CTIF: variants seen among roughly 807,000 people sequenced by gnomAD.
The protein encoded by CTIF is CBP80/20-dependent translation initiation factor.
In CTIF, 21 loss-of-function variants were observed where a neutral mutation model predicts 66.0. The ratio of observed to expected loss-of-function variants is 0.32; its 90% CI spans 0.23 to 0.46. The LOEUF is 0.46. CTIF is among the 20% of genes least tolerant of loss of function. The pLI, the probability that CTIF is intolerant of heterozygous loss-of-function variation, is 1.00. For synonymous variants in CTIF, 345 were observed against 326.4 expected (o/e 1.06, Z -0.62); for missense variants, 739 against 812.7 (o/e 0.91, Z 1.10).
At chr18:48,571,361 T>G (rs1040094755) in intron 1 of CTIF, among the ~76,000 whole-genome samples, 1 of 152,180 alleles carries the variant, frequency 6.6e-6, no homozygotes, top group Non-Finnish European at 1.5e-5. Context: ...TTTCACCGTG[T>G]TGGTCAGGCT....
intron 10 of CTIF, among the ~76,000 whole-genome samples, chr18:48,839,196 C>T (rs1231498374): frequency 6.6e-6 from 1 of 152,198 alleles, no homozygotes; most frequent in Non-Finnish European, 1.5e-5. Flanking sequence ...CACTGGCTCA[C>T]CCCTCCTGTT....
chr18:48,634,554 T>C (rs943562073), intron 2 of CTIF, among the ~76,000 whole-genome samples: 7 of 152,170 alleles, frequency 4.6e-5, no homozygotes, highest in Admixed American at 2.6e-4. Context: ...CGGTCATGCA[T>C]AGAAGCCTGT....
intron 2 of CTIF, among the ~76,000 whole-genome samples, chr18:48,625,706 T>C (rs1427194985): frequency 1.3e-5 from 2 of 152,234 alleles, no homozygotes; most frequent in Non-Finnish European, 2.9e-5. Flanking sequence ...GTGTTCCGTT[T>C]AGTGGCTGCC....
intron 1 of CTIF, among the ~76,000 whole-genome samples, chr18:48,605,878 G>C (rs1232050712): frequency 6.6e-6 from 1 of 152,250 alleles, no homozygotes; most frequent in Non-Finnish European, 1.5e-5. Context: ...ACGCACACTA[G>C]AGTGGGTTCC....
At chr18:48,770,480 G>C (rs999799355) in intron 9 of CTIF, among the ~76,000 whole-genome samples, 1 of 152,274 alleles carries the variant, frequency 6.6e-6, no homozygotes, top group Non-Finnish European at 1.5e-5. Context: ...ATGTGCAGAG[G>C]CTGAGGGAGC....
chr18:48,650,229 TG>T (rs1039863039), intron 3 of CTIF, among the ~76,000 whole-genome samples: 3 of 152,094 alleles, frequency 2.0e-5, no homozygotes, highest in Non-Finnish European at 4.4e-5. Context: ...CTAAAACCCT[TG>T]AAAAAAGATT....
intron 7 of CTIF, among the ~76,000 whole-genome samples, chr18:48,748,397 A>G (rs1369145457): frequency 6.6e-6 from 1 of 152,020 alleles, no homozygotes; most frequent in Non-Finnish European, 1.5e-5. Context: ...TGATGGTGCT[A>G]AATTGAGTAT....
chr18:48,638,982 C>G (rs184511736), intron 3 of CTIF, among the ~76,000 whole-genome samples: 1 of 152,182 alleles, frequency 6.6e-6, no homozygotes, highest in African/African-American at 2.4e-5. Context: ...CTGCGGTGGC[C>G]GACTGATCAT....
intron 9 of CTIF, among the ~76,000 whole-genome samples, chr18:48,772,513 C>T (rs1910260269): frequency 6.6e-6 from 1 of 151,908 alleles, no homozygotes; most frequent in Non-Finnish European, 1.5e-5. Context: ...CAATAACTCC[C>T]CTACAGCAAT....
intron 1 of CTIF, among the ~76,000 whole-genome samples, chr18:48,600,392 G>C (rs150876011): frequency 5.9e-5 from 9 of 152,134 alleles, no homozygotes; most frequent in Admixed American, 5.9e-4. Context: ...TAACTGTTGT[G>C]TTTTTAATTT....
chr18:48,799,112 A>G (rs2067995437), intron 9 of CTIF, among the ~76,000 whole-genome samples: 1 of 152,216 alleles, frequency 6.6e-6, no homozygotes, highest in Admixed American at 6.5e-5. Context: ...GCAGTTCAGA[A>G]AGTCTTACTG....
chr18:48,729,482 A>G (rs2092417707), intron 7 of CTIF, among the ~76,000 whole-genome samples: 1 of 152,214 alleles, frequency 6.6e-6, no homozygotes. Context: ...TGGCTCCCCC[A>G]GCCTTTCTCA....
chr18:48,805,903 G>A (rs930852342), intron 9 of CTIF, among the ~76,000 whole-genome samples: 6 of 151,336 alleles, frequency 4.0e-5, no homozygotes, highest in Non-Finnish European at 5.9e-5. Context: ...GTCCACACAC[G>A]TTCATTGAAC....
chr18:48,645,656 T>C (rs907075787), intron 3 of CTIF, among the ~76,000 whole-genome samples: 21 of 152,196 alleles, frequency 1.4e-4, no homozygotes, highest in African/African-American at 2.4e-5. Context: ...GCACCCCCAC[T>C]GGGCAGTATC....
chr18:48,666,021 G>A (rs898531232), intron 5 of CTIF, among the ~76,000 whole-genome samples: 8 of 152,224 alleles, frequency 5.3e-5, no homozygotes, highest in African/African-American at 1.9e-4. Flanking sequence ...TCTTTGAGGA[G>A]CTGTCAAACT....
chr18:48,812,172 C>T (rs1259542939), intron 9 of CTIF, among the ~76,000 whole-genome samples: 5 of 152,110 alleles, frequency 3.3e-5, no homozygotes, highest in Non-Finnish European at 7.4e-5. Flanking sequence ...CCATGTTGCT[C>T]GGGCTGGTCT....
intron 6 of CTIF, among the ~76,000 whole-genome samples, chr18:48,698,753 A>G (rs2092042270): frequency 6.6e-6 from 1 of 152,094 alleles, no homozygotes; most frequent in African/African-American, 2.4e-5. Flanking sequence ...CCTAATCTAA[A>G]GCATTATCCC....
At chr18:48,670,868 C>G (rs2091522363) in intron 6 of CTIF, 124 bp downstream of exon 6, 1 of 782,124 alleles carries the variant, frequency 1.3e-6, no homozygotes, top group Non-Finnish European at 2.2e-6. Context: ...GTGTAACCGC[C>G]TGTATGGTAG....
chr18:48,672,480 A>G (rs1174212432), intron 6 of CTIF, among the ~76,000 whole-genome samples: 4 of 152,096 alleles, frequency 2.6e-5, no homozygotes, highest in African/African-American at 9.7e-5. Context: ...CACCTAGGAG[A>G]TATTGTGCAT....
Sources: gnomAD v4.1 joint callset for allele counts (sites outside exome capture counted in the v4.1 genomes callset) on GRCh38, gnomAD v4.1.1 for gene constraint, MANE v1.5 for transcripts, NCBI Gene and HGNC (gene_info 2026-07-23, HGNC 2026-07-21) for gene names.